CSMD1: variants seen among roughly 807,000 people sequenced by gnomAD.
The protein encoded by CSMD1 is CUB and Sushi multiple domains 1.
A neutral mutation model predicts 417.5 loss-of-function variants in CSMD1; 213 were observed. The observed-to-expected ratio is 0.51, with a 90% CI of 0.46 to 0.57. CSMD1 has a LOEUF of 0.57. Ranked by LOEUF, CSMD1 falls within the 20% of genes least tolerant of loss-of-function variation. The pLI, the probability that CSMD1 is intolerant of heterozygous loss-of-function variation, is 0.00. For synonymous variants in CSMD1, 2,862 were observed against 1,736.8 expected, an observed-to-expected ratio of 1.65 and a Z score of -16.11; for missense variants, 6,923 against 4,529.7, an observed-to-expected ratio of 1.53 and a Z score of -15.17.
chr8:4,231,054 T>C (rs1450502874), intron 3 of CSMD1, among the ~76,000 whole-genome samples: 3 of 152,170 alleles, frequency 2.0e-5, no homozygotes, highest in African/African-American at 4.8e-5. Context: ...GTGGGAAAAT[T>C]GGGGAAAGCG....
intron 3 of CSMD1, among the ~76,000 whole-genome samples, chr8:4,124,043 C>A (rs1802628880): frequency 6.6e-6 from 1 of 151,640 alleles, no homozygotes; most frequent in Non-Finnish European, 1.5e-5. Flanking sequence ...CATTGCATTC[C>A]GGAACGACAT....
At chr8:3,665,541 A>G (rs973780571) in intron 7 of CSMD1, among the ~76,000 whole-genome samples, 3 of 152,036 alleles carry the variant, frequency 2.0e-5, no homozygotes, top group African/African-American at 7.2e-5. Context: ...AGATATATAT[A>G]TTTGTCAGGA....
chr8:3,560,618 A>C (rs1048951411), intron 10 of CSMD1, among the ~76,000 whole-genome samples: 2 of 152,182 alleles, frequency 1.3e-5, no homozygotes, highest in African/African-American at 4.8e-5. Context: ...AAAAGGGGGA[A>C]TGAGATGGCG....
chr8:3,105,770 A>C (rs768372985), intron 46 of CSMD1, among the ~76,000 whole-genome samples: 11 of 152,254 alleles, frequency 7.2e-5, no homozygotes, highest in Non-Finnish European at 1.2e-4. Context: ...AATGATATTC[A>C]AAATTTGCCT....
At chr8:3,746,286 C>G (rs1296131328) in intron 6 of CSMD1, among the ~76,000 whole-genome samples, 1 of 152,174 alleles carries the variant, frequency 6.6e-6, no homozygotes, top group African/African-American at 2.4e-5. Context: ...GATTGATAAC[C>G]TACCTGAACT....
intron 3 of CSMD1, among the ~76,000 whole-genome samples, chr8:4,108,726 C>T (rs1022555722): frequency 6.6e-6 from 1 of 151,574 alleles, no homozygotes; most frequent in East Asian, 1.9e-4. Flanking sequence ...GAAGTGTATG[C>T]ATACCGACTT....
intron 8 of CSMD1, among the ~76,000 whole-genome samples, chr8:3,615,869 T>C (rs986572911): frequency 3.3e-5 from 5 of 152,194 alleles, no homozygotes; most frequent in Non-Finnish European, 4.4e-5. Flanking sequence ...TCTTGTAAGA[T>C]GGAAAATGTT....
rs367964420 is a variant in CSMD1 at position 3,928,820 on chromosome 8, C to T, written c.818+69083G>A. Reference sequence around the variant, plus strand: ...CCAGTTCTATGCATTCCCAGCGATTCCACCTACCCCAGGTCATGCTGTCAC... The same window carrying T: ...CCAGTTCTATGCATTCCCAGCGATTTCACCTACCCCAGGTCATGCTGTCAC... On this transcript the variant is annotated intron_variant, in intron 5 of 69. Transcript: ENST00000635120. 8.2e-5 allele frequency among the ~76,000 whole-genome samples: 9 copies of T among 109,630 alleles called. 1 individual carries two copies. The East Asian group carries it at 1.5e-3, about 19-fold the overall frequency. The allele number at this position is 109,630 out of a possible 152,430, so 71.9% of individuals were successfully genotyped here.
chr8:4,195,649 T>C (rs1007601692), intron 3 of CSMD1, among the ~76,000 whole-genome samples: 2 of 152,112 alleles, frequency 1.3e-5, no homozygotes, highest in Non-Finnish European at 2.9e-5. Context: ...TTATCGATGC[T>C]CCTTCTAGGC....
At chr8:4,390,529 T>TTTATTTATTTATTTATTTA (rs1803778170) in intron 3 of CSMD1, among the ~76,000 whole-genome samples, 3 of 11,982 alleles carry the variant, frequency 2.5e-4, no homozygotes, top group African/African-American at 1.8e-3. Context: ...TTATTTATTT[T>TTTATTTATTTATTTATTTA]TTGAGATGGA....
intron 26 of CSMD1, among the ~76,000 whole-genome samples, chr8:3,268,289 A>ATTTTTT (rs1163842745): frequency 2.1e-4 from 18 of 84,296 alleles, no homozygotes; most frequent in African/African-American, 4.8e-4. Flanking sequence ...TTCATTTCCT[A>ATTTTTT]TTTTTTTTTT....
chr8:4,910,432 G>A (rs1376932133), intron 1 of CSMD1, among the ~76,000 whole-genome samples: 1 of 152,200 alleles, frequency 6.6e-6, no homozygotes, highest in Non-Finnish European at 1.5e-5. Flanking sequence ...AGGCTGAGAA[G>A]TCCAGGATCA....
chr8:3,766,805 A>G (rs1798295430), intron 5 of CSMD1, among the ~76,000 whole-genome samples: 1 of 152,158 alleles, frequency 6.6e-6, no homozygotes, highest in African/African-American at 2.4e-5. Context: ...GATAAGAACA[A>G]GTCTTATCCT....
intron 2 of CSMD1, among the ~76,000 whole-genome samples, chr8:4,531,770 G>A (rs749917462): frequency 6.6e-6 from 1 of 152,174 alleles, no homozygotes; most frequent in Non-Finnish European, 1.5e-5. Context: ...ACAATCTGGT[G>A]CTTTTTAGTA....
intron 1 of CSMD1, among the ~76,000 whole-genome samples, chr8:4,682,661 C>T (rs1475258550): frequency 6.6e-6 from 1 of 151,816 alleles, no homozygotes; most frequent in Non-Finnish European, 1.5e-5. Context: ...TAGGATATTA[C>T]AGATCACAAT....
intron 3 of CSMD1, among the ~76,000 whole-genome samples, chr8:4,345,317 C>T (rs1049800243): frequency 1.3e-5 from 2 of 152,108 alleles, no homozygotes; most frequent in African/African-American, 4.8e-5. Flanking sequence ...TAGAAGGTAA[C>T]ATATAAATCT....
At chr8:4,222,784 A>T (rs1801118680) in intron 3 of CSMD1, among the ~76,000 whole-genome samples, 1 of 152,166 alleles carries the variant, frequency 6.6e-6, no homozygotes, top group African/African-American at 2.4e-5. Flanking sequence ...CCGAGTCATC[A>T]TTAAGGGCTG....
At chr8:3,657,780 C>G (rs1293644121) in intron 7 of CSMD1, among the ~76,000 whole-genome samples, 1 of 152,076 alleles carries the variant, frequency 6.6e-6, no homozygotes, top group Non-Finnish European at 1.5e-5. Context: ...ACCACCATGG[C>G]ACGTGTATAA....
intron 1 of CSMD1, among the ~76,000 whole-genome samples, chr8:4,729,421 T>C (rs767195893): frequency 3.9e-5 from 6 of 152,100 alleles, no homozygotes; most frequent in Non-Finnish European, 7.3e-5. Flanking sequence ...ATCCACAACT[T>C]CTTCAAAGAG....
Sources: gnomAD v4.1 joint callset for allele counts (sites outside exome capture counted in the v4.1 genomes callset) on GRCh38, gnomAD v4.1.1 for gene constraint, MANE v1.5 for transcripts, NCBI Gene and HGNC (gene_info 2026-07-23, HGNC 2026-07-21) for gene names.